Variants in NFIX observed in about 807,000 individuals in gnomAD.
NFIX encodes the protein nuclear factor I X, also known as nuclear factor 1 X-type.
NFIX carries 2 observed loss-of-function variants against 53.3 expected under a neutral mutation model. That is an observed-to-expected ratio of 0.04 (90% CI 0.02 to 0.12). NFIX has a LOEUF of 0.12. Ranked by LOEUF, NFIX falls within the 10% of genes least tolerant of loss-of-function variation. The pLI, the probability that NFIX is intolerant of heterozygous loss-of-function variation, is 1.00. For synonymous variants in NFIX, 244 were observed against 289.0 expected (o/e 0.84, Z 1.58); for missense variants, 310 against 674.5 (o/e 0.46, Z 5.99).
chr19:13,086,916 C>T (rs557351712), intron 8 of NFIX, among the ~76,000 whole-genome samples: 4 of 152,350 alleles, frequency 2.6e-5, no homozygotes, highest in East Asian at 3.9e-4. Context: ...GCTTGCTCAC[C>T]GATAGGAGGA....
intron 2 of NFIX, among the ~76,000 whole-genome samples, chr19:13,069,030 G>A (rs370815223): frequency 1.3e-5 from 2 of 152,368 alleles, no homozygotes; most frequent in South Asian, 4.1e-4. Context: ...TTAGGCAGCT[G>A]CATTTGATGG....
chr19:13,029,367 A>G (rs1048211127), intron 2 of NFIX, among the ~76,000 whole-genome samples: 5 of 152,108 alleles, frequency 3.3e-5, no homozygotes, highest in Non-Finnish European at 7.4e-5. Flanking sequence ...TAATGTTCAC[A>G]TTTCCCTAAT....
At chr19:13,029,337 T>C (rs1410197629) in intron 2 of NFIX, among the ~76,000 whole-genome samples, 3 of 152,226 alleles carry the variant, frequency 2.0e-5, no homozygotes, top group African/African-American at 7.2e-5. Flanking sequence ...CATTTTTTTT[T>C]AGTATCATCA....
At position 13,024,219 on chromosome 19, in the gene NFIX, G is replaced by A. The variant is rs77959013; in HGVS notation, c.28-802G>A. 5.0e-3 allele frequency among the ~76,000 whole-genome samples: 756 copies of A among 151,998 alleles called. 6 individuals carry two copies. The highest frequency in any genetic ancestry group is 0.018 in the African/African-American group (735 of 41,462). ...GTTGTGGGAGGCTGGGGAAGGGGTC[G>A]CAAGAAGACCCATGTAGCTTTTAAC... On this transcript the variant is annotated intron_variant, in intron 1 of 10. Transcript: ENST00000592199.
At chr19:13,046,611 T>G (rs1345052135) in intron 2 of NFIX, among the ~76,000 whole-genome samples, 1 of 152,170 alleles carries the variant, frequency 6.6e-6, no homozygotes, top group Non-Finnish European at 1.5e-5. Flanking sequence ...GGATTGCTCC[T>G]GACAAGAGGG....
At chr19:13,034,903 G>A (rs977573351) in intron 2 of NFIX, among the ~76,000 whole-genome samples, 1 of 152,128 alleles carries the variant, frequency 6.6e-6, no homozygotes, top group Admixed American at 6.5e-5. Context: ...AGCTCCCCTT[G>A]AGCAGCATTT....
chr19:13,082,690 G>C (rs888636370), intron 8 of NFIX: 7 of 152,288 alleles, frequency 4.6e-5, no homozygotes, highest in African/African-American at 1.7e-4. Flanking sequence ...GTGGGACAAC[G>C]GTCCCTGGTT....
intron 2 of NFIX, among the ~76,000 whole-genome samples, chr19:13,069,380 G>A (rs2016629540): frequency 1.3e-5 from 2 of 152,210 alleles, no homozygotes; most frequent in South Asian, 4.1e-4. Flanking sequence ...GATGACAGAG[G>A]ATAAAAGATG....
Position 13,073,157 on chromosome 19 carries a change from C to A in NFIX, c.622+48C>A. ...GCTGCCCTTATCCTTCATGCCCCTC[C>A]ACTTCCTTCCCCCACCCTGGCTGCC... On this transcript the variant is annotated intron_variant, in intron 3 of 10. Transcript: ENST00000592199. The surrounding 1 kb of genome is among the most constrained non-coding windows in gnomAD (Gnocchi z 4.5). 1 of 1,578,334 alleles carries A rather than the reference C, an allele frequency of 6.3e-7. No individual in the cohort carries two copies. Among genetic ancestry groups the A allele is most frequent in the Non-Finnish European group, 8.7e-7 (1 of 1,147,266 alleles).
At position 13,090,242 on chromosome 19, in the gene NFIX, C is replaced by G. The variant is rs1439978881; in HGVS notation, c.1403-57C>G. 2.6e-6 allele frequency: 4 copies of G among 1,532,052 alleles called. No homozygotes were observed. In the African/African-American group the frequency reaches 5.5e-5, roughly 21 times the overall value. 94.9% of individuals were successfully genotyped at this position (1,532,052 alleles called of 1,614,324 possible). On this transcript the variant is annotated intron_variant, in intron 9 of 10. Transcript: ENST00000592199. The surrounding 1 kb of genome is among the most constrained non-coding windows in gnomAD (Gnocchi z 6.6). ...CTCTCAGCAGCCCCGAGGGGCAGTGCCCAGGTGGGCCCCAAGGCCTGACAG... is the reference window on the plus strand; with the variant it reads ...CTCTCAGCAGCCCCGAGGGGCAGTGGCCAGGTGGGCCCCAAGGCCTGACAG...
chr19:13,026,724 T>TTCTCTCTCTC (rs34744744), intron 2 of NFIX, among the ~76,000 whole-genome samples: 2 of 146,048 alleles, frequency 1.4e-5, no homozygotes, highest in South Asian at 2.2e-4. Flanking sequence ...TACCAAACCT[T>TTCTCTCTCTC]TCTCTCTCTC....
At chr19:13,091,258 CCT>C (rs1234902575) in intron 10 of NFIX, among the ~76,000 whole-genome samples, 4 of 152,150 alleles carry the variant, frequency 2.6e-5, no homozygotes, top group South Asian at 4.1e-4. Context: ...GGGAAATCCA[CCT>C]CTCTCAAGAG....
chr19:13,073,574 T>C lies in NFIX; in HGVS notation c.697+78T>C. On this transcript the variant is annotated intron_variant, in intron 4 of 10. Transcript: ENST00000592199. The surrounding 1 kb of genome is among the most constrained non-coding windows in gnomAD (Gnocchi z 4.5). ...GGGACCTCATGGGATGTCCTCCTAA[T>C]GGGGTCTTAGGGCAGGTGGATGGGA... 1.5e-6 allele frequency: 2 copies of C among 1,324,374 alleles called. No homozygotes were observed. Among genetic ancestry groups the C allele is most frequent in the Non-Finnish European group, 2.2e-6 (2 of 917,720 alleles). The allele number at this position is 1,324,374 out of a possible 1,614,324, so 82.0% of individuals were successfully genotyped here. A position where few individuals can be genotyped will look rare whatever the true frequency, so the allele number is the denominator to read the frequency against.
At chr19:13,087,889 G>C in intron 8 of NFIX, 100 bp from the exon 9 acceptor site, 1 of 1,401,002 alleles carries the variant, frequency 7.1e-7, no homozygotes, top group Non-Finnish European at 9.6e-7. Flanking sequence ...CTTCCACCGG[G>C]AGCGCCCGCT....
At chr19:13,000,604 ACCAGATAC>A (rs1391381553) in intron 1 of NFIX, among the ~76,000 whole-genome samples, 2 of 151,950 alleles carry the variant, frequency 1.3e-5, no homozygotes, top group Non-Finnish European at 2.9e-5. Context: ...TTCCATGAGG[ACCAGATAC>A]CCTGGTTGGG....
intron 2 of NFIX, among the ~76,000 whole-genome samples, chr19:13,054,496 G>A (rs565787053): frequency 6.6e-6 from 1 of 152,222 alleles, no homozygotes; most frequent in East Asian, 1.9e-4. Context: ...GGAGTCTCCA[G>A]AGTCTTGGGT....
rs140793345 is a variant in NFIX, at chr19:13,031,650, G to A, written c.559+6098G>A. Among the ~76,000 whole-genome samples, 43 of 152,278 alleles carry A rather than the reference G, an allele frequency of 2.8e-4. No homozygotes were observed. In the East Asian group the frequency reaches 7.5e-3, roughly 27 times the overall value. ...GATATCTTCTAGAAGGCTTCCTCCC[G>A]TAGGCGTAGGCGTGAACCTGCAGTG... is the stretch of plus-strand genomic sequence containing the variant. On this transcript the variant is annotated intron_variant, in intron 2 of 10. Transcript: ENST00000592199.
At chr19:13,057,467 AGCTGCAGACTCG>A (rs2015777100) in intron 2 of NFIX, among the ~76,000 whole-genome samples, 1 of 152,182 alleles carries the variant, frequency 6.6e-6, no homozygotes, top group South Asian at 2.1e-4. Flanking sequence ...GAGCCCTACG[AGCTGCAGACTCG>A]GCTTTCGCTC....
At position 13,011,998 on chromosome 19, in the gene NFIX, A is replaced by C. The variant is rs529820077; in HGVS notation, c.28-13023A>C. On this transcript the variant is annotated intron_variant, in intron 1 of 10. Transcript: ENST00000592199. This position sits in a 1 kb window ranked among gnomAD's most constrained non-coding sequence, Gnocchi z 6.5. ...AAAATGGGTGCTGACGGTCACTGTC[A>C]CTTGCATCGCACACTGAGGGGTGGG... 3.9e-5 allele frequency among the ~76,000 whole-genome samples: 6 copies of C among 152,132 alleles called. No individual in the cohort carries two copies. Among genetic ancestry groups the C allele is most frequent in the Non-Finnish European group, 8.8e-5 (6 of 67,980 alleles).
Sources: gnomAD v4.1 joint callset for allele counts (sites outside exome capture counted in the v4.1 genomes callset) on GRCh38, gnomAD v4.1.1 for gene constraint, Gnocchi (gnomAD v3.1) non-coding constraint, MANE v1.5 for transcripts, NCBI Gene and HGNC (gene_info 2026-07-23, HGNC 2026-07-21) for gene names.